The following RNF169 variants were observed in gnomAD, a reference collection of about 807,000 sequenced individuals.
The protein encoded by RNF169 is E3 ubiquitin-protein ligase RNF169.
Under a neutral mutation model 53.9 loss-of-function variants are expected in RNF169, and 24 were observed. That is an observed-to-expected ratio of 0.45 (90% confidence interval 0.32 to 0.63). The LOEUF is 0.63. Ranked by LOEUF, RNF169 falls within the 20% of genes least tolerant of loss-of-function variation. The probability of loss-of-function intolerance (pLI) is 0.04; values close to 1 mark genes in which losing one functional copy is unlikely to be tolerated. For missense variants in RNF169, 883 were observed against 906.2 expected (o/e 0.97, Z 0.33); for synonymous variants, 396 against 363.5 (o/e 1.09, Z -1.02).
chr11:74,801,414 A>C (rs1226202260), intron 2 of RNF169, among the ~76,000 whole-genome samples: 1 of 152,230 alleles, frequency 6.6e-6, no homozygotes, highest in East Asian at 1.9e-4. Context: ...CAGGAAACAG[A>C]GGATATAAAG....
intron 1 of RNF169, among the ~76,000 whole-genome samples, chr11:74,773,829 T>TA (rs1002119609): frequency 1.3e-5 from 2 of 152,206 alleles, no homozygotes; most frequent in African/African-American, 4.8e-5. Context: ...AGTATGAGGA[T>TA]AATAGGAGCT....
intron 2 of RNF169, among the ~76,000 whole-genome samples, chr11:74,794,882 T>C (rs540431105): frequency 1.3e-5 from 2 of 152,324 alleles, no homozygotes; most frequent in Admixed American, 6.5e-5. Flanking sequence ...CATTGCACTC[T>C]TGGATCCTGG....
chr11:74,774,331 G>A (rs1200100847), intron 1 of RNF169, among the ~76,000 whole-genome samples: 4 of 148,300 alleles, frequency 2.7e-5, no homozygotes, highest in Non-Finnish European at 5.9e-5. Context: ...GGATGACAGA[G>A]TGAGACCCTG....
rs2035903762 is a variant in RNF169 at position 74,813,656 on chromosome 11, G to A, written c.723+3326G>A. Among the ~76,000 whole-genome samples the A allele has an allele frequency of 6.6e-5, 10 of 152,088 alleles. No homozygotes were observed. In the South Asian group the frequency reaches 2.1e-3, roughly 32 times the overall value. Reference sequence around the variant, plus strand: ...AACATATAAATACACACCATATATTGTTTTTCTTTTCAGAAAATGTAACCT... The same window carrying A: ...AACATATAAATACACACCATATATTATTTTTCTTTTCAGAAAATGTAACCT... On this transcript the variant is annotated intron_variant, in intron 3 of 5. Coordinates refer to ENST00000299563, the MANE Select transcript of RNF169 (RefSeq NM_001098638.2).
chr11:74,758,660 C>T (rs1336462604), intron 1 of RNF169, among the ~76,000 whole-genome samples: 1 of 152,050 alleles, frequency 6.6e-6, no homozygotes, highest in Non-Finnish European at 1.5e-5. Flanking sequence ...CGCCACTACG[C>T]CCGGCTAATT....
At chr11:74,763,475 A>G (rs1275526430) in intron 1 of RNF169, among the ~76,000 whole-genome samples, 1 of 152,258 alleles carries the variant, frequency 6.6e-6, no homozygotes, top group African/African-American at 2.4e-5. Context: ...AAGAATTGAC[A>G]TCCCAAGAAA....
chr11:74,813,245 T>C (rs2135121291), intron 3 of RNF169, among the ~76,000 whole-genome samples: 1 of 152,332 alleles, frequency 6.6e-6, no homozygotes, highest in Middle Eastern at 3.4e-3. Context: ...GTATAGGAAA[T>C]GTCTTATCCA....
chr11:74,790,797 T>C lies in RNF169; in HGVS notation c.576+1098T>C, dbSNP rs984466242. Reference sequence around the variant, plus strand: ...CTGCTGGCACTGGGGAACGTGGTAGTGACTGGAAGCTTGGAGATGCCAGGA... The same window carrying C: ...CTGCTGGCACTGGGGAACGTGGTAGCGACTGGAAGCTTGGAGATGCCAGGA... On this transcript the variant is annotated intron_variant, in intron 2 of 5. Transcript: ENST00000299563. 1.3e-5 allele frequency among the ~76,000 whole-genome samples: 2 copies of C among 152,148 alleles called. 1 individual carries two copies. Among genetic ancestry groups the C allele is most frequent in the African/African-American group, 4.8e-5 (2 of 41,444 alleles).
intron 2 of RNF169, among the ~76,000 whole-genome samples, chr11:74,798,329 G>A (rs1346184502): frequency 6.6e-6 from 1 of 152,198 alleles, no homozygotes; most frequent in Non-Finnish European, 1.5e-5. Context: ...ACCCACCTGG[G>A]AGTGGGTCTC....
chr11:74,804,879 A>G (rs111670574), intron 2 of RNF169, among the ~76,000 whole-genome samples: 200 of 152,348 alleles, frequency 1.3e-3, no homozygotes, highest in African/African-American at 4.6e-3. Flanking sequence ...AGGTTTAAAA[A>G]AAAGGACAAA....
At chr11:74,761,713 C>T (rs572798616) in intron 1 of RNF169, among the ~76,000 whole-genome samples, 19 of 152,024 alleles carry the variant, frequency 1.2e-4, no homozygotes, top group African/African-American at 4.6e-4. Flanking sequence ...CTTTCCCGAC[C>T]TTTCTCTCTG....
At chr11:74,784,950 G>A (rs1267604156) in intron 1 of RNF169, among the ~76,000 whole-genome samples, 1 of 152,052 alleles carries the variant, frequency 6.6e-6, no homozygotes, top group Admixed American at 6.6e-5. Context: ...TTGTGCATAT[G>A]CATGCATGCA....
At chr11:74,776,925 C>G (rs1453887885) in intron 1 of RNF169, among the ~76,000 whole-genome samples, 1 of 152,086 alleles carries the variant, frequency 6.6e-6, no homozygotes, top group Non-Finnish European at 1.5e-5. Flanking sequence ...GCTGAAGTGG[C>G]AGATTGGGTC....
At position 74,840,979 on chromosome 11, in the gene RNF169, CAGTT is replaced by C. The variant is rs539882713; in HGVS notation, c.*4256_*4259del. 323 of 151,826 alleles carry C rather than the reference CAGTT, an allele frequency of 2.1e-3. No homozygotes were observed. Among genetic ancestry groups the C allele is most frequent in the African/African-American group, 7.5e-3 (309 of 41,428 alleles). The allele number at this position is 151,826 out of a possible 1,614,324, so 9.4% of individuals were successfully genotyped here. ...ATAGTTTTTTCTTCCTGATTTTTTT[CAGTT>C]AGTTAGAGTTAAATGTACCTATAGC... On this transcript the variant is annotated 3_prime_UTR_variant, in exon 6 of 6. Coordinates refer to ENST00000299563, the MANE Select transcript of RNF169 (RefSeq NM_001098638.2).
intron 4 of RNF169, among the ~76,000 whole-genome samples, 169 bp downstream of exon 4, chr11:74,817,883 C>G (rs2035959488): frequency 6.6e-6 from 1 of 152,114 alleles, no homozygotes; most frequent in South Asian, 2.1e-4. Context: ...AAGGGCTGAC[C>G]TGAATTTTTC....
At chr11:74,783,997 G>A (rs1376467541) in intron 1 of RNF169, among the ~76,000 whole-genome samples, 1 of 152,138 alleles carries the variant, frequency 6.6e-6, no homozygotes, top group African/African-American at 2.4e-5. Flanking sequence ...AAAAGGGGGA[G>A]ATCTTCATTT....
chr11:74,837,185 T>G lies in RNF169; in HGVS notation c.*455T>G, dbSNP rs541213127. The G allele has an allele frequency of 6.4e-6, 1 of 155,928 alleles. No homozygotes were observed. The highest frequency in any genetic ancestry group is 1.9e-4 in the East Asian group (1 of 5,266). The allele number at this position is 155,928 out of a possible 1,614,324, so 9.7% of individuals were successfully genotyped here. On this transcript the variant is annotated 3_prime_UTR_variant, in exon 6 of 6. Coordinates refer to ENST00000299563, the MANE Select transcript of RNF169 (RefSeq NM_001098638.2). ...GATCCAAAATGATAGATGGTTATGTTACGCTTTCTGCTGTCCCTTGCCAAA... is the reference window on the plus strand; with the variant it reads ...GATCCAAAATGATAGATGGTTATGTGACGCTTTCTGCTGTCCCTTGCCAAA...
intron 1 of RNF169, among the ~76,000 whole-genome samples, chr11:74,780,559 T>TA (rs2035402838): frequency 6.6e-6 from 1 of 152,240 alleles, no homozygotes; most frequent in Admixed American, 6.5e-5. Context: ...CAGATTTACT[T>TA]ATGTATGCAC....
chr11:74,749,271 G>T lies in RNF169; in HGVS notation c.391G>T (p.Glu131Ter). 2 of 1,138,812 alleles carry T rather than the reference G, an allele frequency of 1.8e-6. No individual in the cohort carries two copies. The highest frequency in any genetic ancestry group is 1.6e-5 in the African/African-American group (1 of 60,816). The allele number at this position is 1,138,812 out of a possible 1,614,324, so 70.5% of individuals were successfully genotyped here. ...DGQADSEVLG[E>*]CARRSQPERC... is the part of the protein sequence containing the mutation. ...CCAGGCCGACTCAGAGGTGCTGGGC[G>T]AGTGCGCCCGCCGCAGCCAACCCGA... is the stretch of plus-strand genomic sequence containing the variant. The change falls in exon 1 of 6, where the codon GAG (glutamate) becomes TAG (stop). Residue 131 changes from glutamate to a stop codon, truncating the protein, a stop_gained. Coordinates refer to ENST00000299563, the MANE Select transcript of RNF169 (RefSeq NM_001098638.2). LOFTEE classifies it high-confidence loss of function.
Sources: allele counts gnomAD v4.1 joint callset (sites outside exome capture counted in the v4.1 genomes callset), GRCh38; gene constraint gnomAD v4.1.1; transcripts MANE v1.5; gene names NCBI Gene and HGNC (gene_info 2026-07-23, HGNC 2026-07-21).